AMPH: variants seen among roughly 807,000 people sequenced by gnomAD.
The protein encoded by AMPH is amphiphysin (Stiff-Mann syndrome with breast cancer 128kD autoantigen).
A neutral mutation model predicts 99.1 loss-of-function variants in AMPH; 49 were observed. The observed-to-expected ratio is 0.49, with a 90% confidence interval of 0.39 to 0.63. AMPH has a LOEUF of 0.63. AMPH is among the 20% of genes least tolerant of loss of function. The pLI is 0.00. For missense variants in AMPH, 759 were observed against 863.4 expected, an observed-to-expected ratio of 0.88 and a Z score of 1.52; for synonymous variants, 314 against 317.3, an observed-to-expected ratio of 0.99 and a Z score of 0.11.
chr7:38,611,543 T>C (rs188766297), intron 1 of AMPH, among the ~76,000 whole-genome samples: 54 of 152,358 alleles, frequency 3.5e-4, no homozygotes, highest in East Asian at 1.9e-3. Flanking sequence ...TTCTCCAAGA[T>C]TGTGAATATC....
intron 7 of AMPH, among the ~76,000 whole-genome samples, chr7:38,474,221 C>T (rs920802568): frequency 3.3e-5 from 5 of 150,386 alleles, no homozygotes; most frequent in African/African-American, 9.8e-5. Flanking sequence ...TTTGAGGTTT[C>T]GGAACCCAGA....
chr7:38,518,279 G>A (rs1789826524), intron 2 of AMPH, among the ~76,000 whole-genome samples: 1 of 152,222 alleles, frequency 6.6e-6, no homozygotes. Context: ...TGCCACAGAA[G>A]CAGAGGTGTC....
intron 2 of AMPH, among the ~76,000 whole-genome samples, chr7:38,509,178 T>A (rs541220189): frequency 1.3e-5 from 2 of 152,310 alleles, no homozygotes; most frequent in South Asian, 4.1e-4. Context: ...CTTTTATTTC[T>A]TTTTTTCACA....
chr7:38,402,422 C>G (rs982794640), intron 17 of AMPH, among the ~76,000 whole-genome samples: 1 of 152,142 alleles, frequency 6.6e-6, no homozygotes, highest in Non-Finnish European at 1.5e-5. Context: ...TATTTACTTG[C>G]TTAGTTTTCT....
intron 13 of AMPH, among the ~76,000 whole-genome samples, chr7:38,431,006 C>G (rs13224853): frequency 0.055 from 8,319 of 152,262 alleles, 265 homozygotes; most frequent in South Asian, 0.099. Flanking sequence ...AGAAAACATA[C>G]AACTTAAGTT....
At chr7:38,451,028 G>A (rs966717878) in intron 11 of AMPH, among the ~76,000 whole-genome samples, 12 of 151,550 alleles carry the variant, frequency 7.9e-5, no homozygotes, top group Non-Finnish European at 1.3e-4. Context: ...GAGCAGCTGG[G>A]ACTACAGACA....
At chr7:38,444,217 G>A (rs1041056578) in intron 11 of AMPH, among the ~76,000 whole-genome samples, 12 of 152,100 alleles carry the variant, frequency 7.9e-5, no homozygotes, top group African/African-American at 2.2e-4. Context: ...GCGTCTATGC[G>A]TCAGATGACT....
intron 9 of AMPH, chr7:38,464,120 A>G: frequency 7.8e-7 from 1 of 1,289,796 alleles, no homozygotes; most frequent in Non-Finnish European, 1.0e-6. Flanking sequence ...GTTGAAAAAA[A>G]GTGAAAGGAA....
intron 10 of AMPH, among the ~76,000 whole-genome samples, chr7:38,461,645 T>C (rs1324435653): frequency 6.6e-6 from 1 of 152,190 alleles, no homozygotes; most frequent in Non-Finnish European, 1.5e-5. Flanking sequence ...TAAGAGTCCA[T>C]TCATCTCAAC....
At chr7:38,485,982 A>G (rs1788476207) in intron 5 of AMPH, among the ~76,000 whole-genome samples, 1 of 151,982 alleles carries the variant, frequency 6.6e-6, no homozygotes, top group Non-Finnish European at 1.5e-5. Flanking sequence ...TTTTAGTGAT[A>G]AACGCATACA....
At chr7:38,461,117 C>A (rs1787424365) in intron 11 of AMPH, among the ~76,000 whole-genome samples, 166 bp downstream of exon 11, 1 of 152,208 alleles carries the variant, frequency 6.6e-6, no homozygotes, top group Non-Finnish European at 1.5e-5. Flanking sequence ...CCGTACATCT[C>A]CCATGTAAGA....
At chr7:38,604,800 C>T (rs1584295761) in intron 1 of AMPH, among the ~76,000 whole-genome samples, 1 of 152,142 alleles carries the variant, frequency 6.6e-6, no homozygotes, top group Non-Finnish European at 1.5e-5. Context: ...AAATGATGGC[C>T]GATTCAAAGT....
chr7:38,542,602 T>C (rs1790845174), intron 1 of AMPH, among the ~76,000 whole-genome samples: 1 of 152,118 alleles, frequency 6.6e-6, no homozygotes, highest in Non-Finnish European at 1.5e-5. Flanking sequence ...ACGGGTCTGT[T>C]CCTGATTGCT....
chr7:38,500,884 G>C (rs773748897), intron 3 of AMPH, among the ~76,000 whole-genome samples: 2 of 152,158 alleles, frequency 1.3e-5, no homozygotes, highest in Non-Finnish European at 2.9e-5. Context: ...TAATGACATT[G>C]ATAATATGGC....
chr7:38,613,630 T>C (rs1253485730), intron 1 of AMPH, among the ~76,000 whole-genome samples: 2 of 152,160 alleles, frequency 1.3e-5, no homozygotes, highest in African/African-American at 2.4e-5. Context: ...ACTTCCACAG[T>C]ATGCAGCCTC....
At chr7:38,578,876 T>C (rs1041809923) in intron 1 of AMPH, among the ~76,000 whole-genome samples, 2 of 152,218 alleles carry the variant, frequency 1.3e-5, no homozygotes, top group African/African-American at 4.8e-5. Context: ...TTTACAAATA[T>C]CTTTACTGTT....
At chr7:38,488,902 T>C (rs375959031) in intron 5 of AMPH, among the ~76,000 whole-genome samples, 57 of 152,310 alleles carry the variant, frequency 3.7e-4, no homozygotes, top group African/African-American at 1.3e-3. Flanking sequence ...CTTACTATTG[T>C]TAAAATACCC....
At chr7:38,512,571 T>C (rs749630574) in intron 2 of AMPH, among the ~76,000 whole-genome samples, 2 of 152,138 alleles carry the variant, frequency 1.3e-5, no homozygotes, top group Non-Finnish European at 2.9e-5. Flanking sequence ...ATTAATATTG[T>C]AGGGTAAAAT....
chr7:38,462,192 A>T (rs770807311), intron 10 of AMPH, among the ~76,000 whole-genome samples: 1 of 152,174 alleles, frequency 6.6e-6, no homozygotes, highest in Non-Finnish European at 1.5e-5. Flanking sequence ...ACTTTGTCTA[A>T]CTGTAGGCTA....
Sources: allele counts gnomAD v4.1 joint callset (sites outside exome capture counted in the v4.1 genomes callset), GRCh38; gene constraint gnomAD v4.1.1; transcripts MANE v1.5; gene names NCBI Gene and HGNC (gene_info 2026-07-23, HGNC 2026-07-21).